HMBOX1: variants seen among roughly 807,000 people sequenced by gnomAD.
The protein encoded by HMBOX1 is homeobox containing 1.
HMBOX1 carries 14 observed loss-of-function variants against 54.5 expected under a neutral mutation model. That is an observed-to-expected ratio of 0.26 (90% CI 0.17 to 0.40). HMBOX1 has a LOEUF of 0.40. HMBOX1 is among the 10% of genes least tolerant of loss of function. The probability of loss-of-function intolerance (pLI) is 1.00; values close to 1 mark genes in which losing one functional copy is unlikely to be tolerated. For synonymous variants in HMBOX1, 160 were observed against 181.0 expected (o/e 0.88, Z 0.93); for missense variants, 332 against 514.4 (o/e 0.65, Z 3.43).
chr8:28,907,676 G>A (rs961410362), intron 1 of HMBOX1, among the ~76,000 whole-genome samples: 1 of 152,028 alleles, frequency 6.6e-6, no homozygotes, highest in Non-Finnish European at 1.5e-5. Flanking sequence ...TTCTGCTGTT[G>A]TCCTGAGTCT....
Position 28,930,291 on chromosome 8 carries a change from C to T in HMBOX1, c.-57-33520C>T, listed in dbSNP as rs543368113. ...TTTTTATCTCCTTCCCCAGTTATCA[C>T]TATAGCCTTATAAATTTCTTCCTTT... On this transcript the variant is annotated intron_variant, in intron 1 of 9. Transcript: ENST00000287701. Among the ~76,000 whole-genome samples the T allele has an allele frequency of 5.3e-5, 8 of 152,300 alleles. No homozygotes were observed. In the South Asian group the frequency reaches 1.7e-3, roughly 32 times the overall value.
intron 1 of HMBOX1, among the ~76,000 whole-genome samples, chr8:28,946,079 A>G (rs913662150): frequency 2.0e-5 from 3 of 151,532 alleles, no homozygotes; most frequent in Non-Finnish European, 4.4e-5. Flanking sequence ...CAGCCTCCCA[A>G]GTAGCTGGGA....
chr8:29,041,012 A>G lies in HMBOX1; in HGVS notation c.852-4349A>G, dbSNP rs115320556. ...CTAATATTTTCTAGCTGGTCCAAAT[A>G]CACTTTCCAAACATAAATAGTTACA... On this transcript the variant is annotated intron_variant, in intron 6 of 9. Coordinates refer to ENST00000287701, the MANE Select transcript of HMBOX1 (RefSeq NM_001135726.3). 3.3e-3 allele frequency among the ~76,000 whole-genome samples: 495 copies of G among 152,304 alleles called. 3 individuals are homozygous for G. The highest frequency in any genetic ancestry group is 0.011 in the African/African-American group (469 of 41,570).
At chr8:28,921,246 G>T (rs983518009) in intron 1 of HMBOX1, among the ~76,000 whole-genome samples, 7 of 152,342 alleles carry the variant, frequency 4.6e-5, no homozygotes, top group African/African-American at 1.7e-4. Flanking sequence ...TAAGGCAGGA[G>T]AATCACTTGA....
At chr8:28,973,078 C>T (rs1264793330) in intron 3 of HMBOX1, among the ~76,000 whole-genome samples, 1 of 152,130 alleles carries the variant, frequency 6.6e-6, no homozygotes, top group African/African-American at 2.4e-5. Context: ...CCATTGCACC[C>T]TCACCCACTG....
chr8:28,930,678 G>A (rs545957491), intron 1 of HMBOX1, among the ~76,000 whole-genome samples: 2 of 151,996 alleles, frequency 1.3e-5, no homozygotes, highest in African/African-American at 4.8e-5. Flanking sequence ...CAGCATCTTT[G>A]TTATAGCAAT....
intron 1 of HMBOX1, among the ~76,000 whole-genome samples, chr8:28,948,873 G>T (rs990239280): frequency 1.3e-5 from 2 of 152,074 alleles, no homozygotes; most frequent in African/African-American, 2.4e-5. Flanking sequence ...TGGGGTAAGG[G>T]AAATGCAAAA....
intron 1 of HMBOX1, among the ~76,000 whole-genome samples, chr8:28,920,525 C>A (rs77148932): frequency 6.6e-6 from 1 of 152,128 alleles, no homozygotes; most frequent in African/African-American, 2.4e-5. Context: ...TTAAATGATT[C>A]TCTGTAAGCA....
intron 5 of HMBOX1, among the ~76,000 whole-genome samples, chr8:29,011,613 G>A (rs1201853199): frequency 1.3e-5 from 2 of 152,194 alleles, no homozygotes; most frequent in Non-Finnish European, 2.9e-5. Flanking sequence ...CAGCTCTAGG[G>A]CCACAATGGC....
In HMBOX1 at chr8:29,039,028, C is replaced by T. The variant is rs1419609489; in HGVS notation, c.852-6333C>T. On this transcript the variant is annotated intron_variant, in intron 6 of 9. Coordinates refer to ENST00000287701, the MANE Select transcript of HMBOX1 (RefSeq NM_001135726.3). ...CTGCCTGACAGCATTTCCCTGTACC[C>T]GCCCTCTCTGCCCTGAAAACCCTTG... 3.3e-5 allele frequency among the ~76,000 whole-genome samples: 5 copies of T among 152,140 alleles called. No homozygotes were observed. In the East Asian group the frequency reaches 5.8e-4, roughly 18 times the overall value.
intron 1 of HMBOX1, among the ~76,000 whole-genome samples, chr8:28,916,052 A>G (rs946131784): frequency 2.0e-5 from 3 of 152,206 alleles, no homozygotes; most frequent in African/African-American, 7.2e-5. Context: ...ATGTAGCCAG[A>G]GGCTACTGTT....
At chr8:28,901,073 A>G (rs1813157190) in intron 1 of HMBOX1, among the ~76,000 whole-genome samples, 1 of 152,202 alleles carries the variant, frequency 6.6e-6, no homozygotes, top group African/African-American at 2.4e-5. Context: ...TATACATAAT[A>G]GGATTCTTGT....
intron 1 of HMBOX1, among the ~76,000 whole-genome samples, chr8:28,955,039 G>T (rs190057235): frequency 6.6e-6 from 1 of 152,072 alleles, no homozygotes. Context: ...GATGGTAGGC[G>T]TCTTCATTGC....
chr8:28,950,591 A>G (rs1823238120), intron 1 of HMBOX1, among the ~76,000 whole-genome samples: 1 of 152,220 alleles, frequency 6.6e-6, no homozygotes, highest in Admixed American at 6.5e-5. Flanking sequence ...CAAACCACAG[A>G]TTGTACAGTT....
At chr8:28,924,821 A>T (rs906119966) in intron 1 of HMBOX1, 2 of 151,910 alleles carry the variant, frequency 1.3e-5, no homozygotes, top group Non-Finnish European at 2.9e-5. Context: ...CATGTTGGTC[A>T]GGCTGGTCTC....
chr8:28,991,867 CCTT>C lies in HMBOX1; in HGVS notation c.586+11715_586+11717del, dbSNP rs780414903. Among the ~76,000 whole-genome samples, 8 of 152,122 alleles carry C rather than the reference CCTT, an allele frequency of 5.3e-5. No individual in the cohort carries two copies. The East Asian group carries it at 7.7e-4, about 15-fold the overall frequency. ...TACTAGCCTGCACCCTCTTAGCTAA[CCTT>C]CTTTTTTTAGGGTTTGTATTTTTAG... On this transcript the variant is annotated intron_variant, in intron 4 of 9. Transcript: ENST00000287701.
At chr8:28,997,589 C>T (rs1832059148) in intron 4 of HMBOX1, among the ~76,000 whole-genome samples, 1 of 152,130 alleles carries the variant, frequency 6.6e-6, no homozygotes, top group Non-Finnish European at 1.5e-5. Context: ...CTCTGTCGCC[C>T]AAGCTACAAT....
rs552778821 is a variant in HMBOX1 at position 29,028,176 on chromosome 8, C to T, written c.851+9263C>T. The stretch of plus-strand genomic sequence containing the variant: ...ATCTCTTTCCCCCAAATTTAAGCAT[C>T]TAAAAATGAGGTCTTAGAATAAAAG... On this transcript the variant is annotated intron_variant, in intron 6 of 9. Transcript: ENST00000287701. Among the ~76,000 whole-genome samples, 4 of 152,218 alleles carry T rather than the reference C, an allele frequency of 2.6e-5. No individual in the cohort carries two copies. In the South Asian group the frequency reaches 8.3e-4, roughly 32 times the overall value.
chr8:28,963,680 A>C, intron 1 of HMBOX1, 131 bp from the exon 2 acceptor site: 1 of 491,646 alleles, frequency 2.0e-6, no homozygotes, highest in Non-Finnish European at 3.6e-6. Flanking sequence ...GTAGAATGCA[A>C]ATCAGAAGAT....
Sources: allele counts gnomAD v4.1 joint callset (sites outside exome capture counted in the v4.1 genomes callset), GRCh38; gene constraint gnomAD v4.1.1; transcripts MANE v1.5; gene names NCBI Gene and HGNC (gene_info 2026-07-23, HGNC 2026-07-21).